Variants in CSNK1G1 observed in about 807,000 individuals in gnomAD.
CSNK1G1 encodes casein kinase I isoform gamma-1.
In CSNK1G1, 22 loss-of-function variants were observed where a neutral mutation model predicts 59.6. The ratio of observed to expected loss-of-function variants is 0.37; its 90% CI spans 0.26 to 0.53. CSNK1G1 has a LOEUF of 0.53. Ranked by LOEUF, CSNK1G1 falls within the 20% of genes least tolerant of loss-of-function variation. CSNK1G1 has a pLI of 0.89. For synonymous variants in CSNK1G1, 179 were observed against 177.1 expected (o/e 1.01, Z -0.08); for missense variants, 384 against 519.5 (o/e 0.74, Z 2.54).
chr15:64,225,196 C>T (rs139035509), intron 4 of CSNK1G1, among the ~76,000 whole-genome samples: 6,502 of 151,656 alleles, frequency 0.043, 154 homozygotes, highest in South Asian at 0.079. Context: ...TTTAGTAGAG[C>T]TGGGGTTTCA....
At chr15:64,291,336 C>T (rs962556698) in intron 2 of CSNK1G1, among the ~76,000 whole-genome samples, 2 of 152,096 alleles carry the variant, frequency 1.3e-5, no homozygotes, top group Non-Finnish European at 2.9e-5. Flanking sequence ...CCTGTAATCC[C>T]AGCACTTTGG....
intron 11 of CSNK1G1, among the ~76,000 whole-genome samples, chr15:64,179,422 A>T (rs951679134): frequency 1.8e-4 from 27 of 152,092 alleles, no homozygotes; most frequent in African/African-American, 6.5e-4. Context: ...GGCTCATGAG[A>T]CTACTTAGGT....
At chr15:64,314,620 T>C in intron 1 of CSNK1G1, among the ~76,000 whole-genome samples, 1 of 151,362 alleles carries the variant, frequency 6.6e-6, no homozygotes. Context: ...CCTTTAACCA[T>C]GGTCTCACCA....
intron 1 of CSNK1G1, among the ~76,000 whole-genome samples, chr15:64,300,943 C>A (rs1330449956): frequency 6.6e-6 from 1 of 152,142 alleles, no homozygotes; most frequent in African/African-American, 2.4e-5. Flanking sequence ...GCTACAGAAA[C>A]ACACAAGCCT....
intron 1 of CSNK1G1, among the ~76,000 whole-genome samples, chr15:64,304,725 T>A (rs1041094283): frequency 6.6e-6 from 1 of 152,206 alleles, no homozygotes; most frequent in Admixed American, 6.5e-5. Flanking sequence ...AAAAGTGAGG[T>A]ACATAAATAT....
intron 10 of CSNK1G1, among the ~76,000 whole-genome samples, chr15:64,192,840 T>TAAAAAAAAAA (rs66643774): frequency 9.3e-5 from 3 of 32,226 alleles, no homozygotes; most frequent in African/African-American, 2.4e-4. Context: ...GAGATCTGCC[T>TAAAAAAAAAA]AAAAAAAAAA....
chr15:64,208,185 T>C (rs958509886), intron 6 of CSNK1G1, among the ~76,000 whole-genome samples: 1 of 152,184 alleles, frequency 6.6e-6, no homozygotes, highest in Non-Finnish European at 1.5e-5. Flanking sequence ...AAAAACATTT[T>C]AGAATTTATT....
chr15:64,319,214 T>C (rs1896432459), intron 1 of CSNK1G1, among the ~76,000 whole-genome samples: 1 of 152,172 alleles, frequency 6.6e-6, no homozygotes, highest in South Asian at 2.1e-4. Context: ...CAAATGTTTC[T>C]AATGAGGTTC....
At chr15:64,311,619 T>C (rs1212424666) in intron 1 of CSNK1G1, among the ~76,000 whole-genome samples, 1 of 135,212 alleles carries the variant, frequency 7.4e-6, no homozygotes, top group Non-Finnish European at 1.5e-5. Flanking sequence ...CGCCTGTGAA[T>C]AGCTACTACA....
At chr15:64,235,041 G>T (rs2082597085) in intron 4 of CSNK1G1, among the ~76,000 whole-genome samples, 1 of 152,136 alleles carries the variant, frequency 6.6e-6, no homozygotes, top group Non-Finnish European at 1.5e-5. Flanking sequence ...TGAGGCAAGA[G>T]ATTTTACAGC....
At chr15:64,275,185 G>A (rs1893540084) in intron 2 of CSNK1G1, among the ~76,000 whole-genome samples, 1 of 152,136 alleles carries the variant, frequency 6.6e-6, no homozygotes, top group Non-Finnish European at 1.5e-5. Context: ...GGGATTACAG[G>A]TGCATGCCAC....
chr15:64,352,811 G>C (rs541290807), intron 1 of CSNK1G1, among the ~76,000 whole-genome samples: 5 of 152,060 alleles, frequency 3.3e-5, no homozygotes, highest in South Asian at 2.1e-4. Flanking sequence ...TCTCAGGGCT[G>C]GGTGTGTTGG....
intron 1 of CSNK1G1, among the ~76,000 whole-genome samples, chr15:64,355,596 G>A (rs1898610731): frequency 6.6e-6 from 1 of 152,208 alleles, no homozygotes; most frequent in Non-Finnish European, 1.5e-5. Context: ...GGGGTGGGTA[G>A]GGAAAGAGGG....
chr15:64,326,503 G>T (rs1450490203), intron 1 of CSNK1G1, among the ~76,000 whole-genome samples: 1 of 152,106 alleles, frequency 6.6e-6, no homozygotes, highest in African/African-American at 2.4e-5. Flanking sequence ...AATTAGCCGG[G>T]CATGGTGGCA....
At chr15:64,187,163 C>G (rs1378008314) in intron 10 of CSNK1G1, among the ~76,000 whole-genome samples, 1 of 151,656 alleles carries the variant, frequency 6.6e-6, no homozygotes, top group Non-Finnish European at 1.5e-5. Context: ...TGAGCTCTCC[C>G]TTTGTTGCTC....
At chr15:64,207,635 T>C (rs770960179) in intron 6 of CSNK1G1, 41 bp from the exon 7 acceptor site, 1 of 1,520,664 alleles carries the variant, frequency 6.6e-7, no homozygotes, top group Non-Finnish European at 9.1e-7. Context: ...TTGCAGTTAT[T>C]AAAGCAGAAA....
chr15:64,293,874 A>C (rs970989731), intron 2 of CSNK1G1, among the ~76,000 whole-genome samples: 1 of 152,180 alleles, frequency 6.6e-6, no homozygotes, highest in Non-Finnish European at 1.5e-5. Flanking sequence ...TGGTACATGG[A>C]AAAATTGTCT....
intron 3 of CSNK1G1, among the ~76,000 whole-genome samples, chr15:64,256,595 A>G (rs1019481120): frequency 2.6e-5 from 4 of 152,184 alleles, no homozygotes; most frequent in African/African-American, 9.7e-5. Context: ...AGACTACAGA[A>G]GGCAGCAATA....
At chr15:64,282,958 G>C (rs893798451) in intron 2 of CSNK1G1, among the ~76,000 whole-genome samples, 2 of 152,128 alleles carry the variant, frequency 1.3e-5, no homozygotes, top group African/African-American at 4.8e-5. Flanking sequence ...CTGGAGAAAA[G>C]TCTATTCAAA....
Sources: gnomAD v4.1 joint callset for allele counts (sites outside exome capture counted in the v4.1 genomes callset) on GRCh38, gnomAD v4.1.1 for gene constraint, MANE v1.5 for transcripts, NCBI Gene and HGNC (gene_info 2026-07-23, HGNC 2026-07-21) for gene names.